Variants in CERS3 observed in about 807,000 individuals in gnomAD.
CERS3 encodes the protein ceramide synthase 3, also known as LAG1 homolog, ceramide synthase 3.
Under a neutral mutation model 50.3 loss-of-function variants are expected in CERS3, and 33 were observed. The ratio of observed to expected loss-of-function variants is 0.66; its 90% CI spans 0.50 to 0.88. The LOEUF is 0.88. CERS3 is among the 40% of genes least tolerant of loss of function. The pLI, the probability that CERS3 is intolerant of heterozygous loss-of-function variation, is 0.00. For synonymous variants in CERS3, 176 were observed against 155.2 expected (o/e 1.13, Z -0.99); for missense variants, 470 against 460.3 (o/e 1.02, Z -0.19).
intron 11 of CERS3, among the ~76,000 whole-genome samples, chr15:100,444,853 T>C (rs1032964640): frequency 2.0e-5 from 3 of 152,172 alleles, no homozygotes; most frequent in Non-Finnish European, 4.4e-5. Flanking sequence ...TTTCTTCCCT[T>C]CTGTCAGACA....
intron 11 of CERS3, among the ~76,000 whole-genome samples, chr15:100,407,296 A>G (rs1567587456): frequency 6.6e-6 from 1 of 152,162 alleles, no homozygotes; most frequent in Non-Finnish European, 1.5e-5. Flanking sequence ...TCCCAACCAC[A>G]CACCCTCCAG....
intron 2 of CERS3, among the ~76,000 whole-genome samples, chr15:100,518,772 T>A (rs1477714219): frequency 6.6e-6 from 1 of 152,254 alleles, no homozygotes; most frequent in African/African-American, 2.4e-5. Context: ...AATGTGATCT[T>A]CTGATTCTGC....
At chr15:100,403,166 G>A (rs1352141665) in intron 11 of CERS3, among the ~76,000 whole-genome samples, 1 of 152,008 alleles carries the variant, frequency 6.6e-6, no homozygotes, top group African/African-American at 2.4e-5. Flanking sequence ...AACAATCGCT[G>A]GGTCAAAGGG....
intron 2 of CERS3, among the ~76,000 whole-genome samples, chr15:100,502,324 A>C (rs1205772603): frequency 6.6e-6 from 1 of 151,712 alleles, no homozygotes; most frequent in Non-Finnish European, 1.5e-5. Context: ...TATTTAATGG[A>C]TTATATGATC....
At chr15:100,490,179 T>G (rs2142296492) in intron 4 of CERS3, among the ~76,000 whole-genome samples, 1 of 152,308 alleles carries the variant, frequency 6.6e-6, no homozygotes, top group African/African-American at 2.4e-5. Flanking sequence ...TTAGACATTA[T>G]TTTTTTAACT....
At chr15:100,498,371 AAT>A (rs1291433705) in intron 3 of CERS3, among the ~76,000 whole-genome samples, 1 of 152,226 alleles carries the variant, frequency 6.6e-6, no homozygotes, top group Non-Finnish European at 1.5e-5. Flanking sequence ...AAGCACAATA[AAT>A]AGTTGATAAA....
At chr15:100,477,527 G>A (rs186939533) in intron 7 of CERS3, among the ~76,000 whole-genome samples, 1 of 152,216 alleles carries the variant, frequency 6.6e-6, no homozygotes, top group African/African-American at 2.4e-5. Flanking sequence ...AGAACCTGTG[G>A]AGTCAAGATC....
At chr15:100,406,570 G>A (rs2031043138) in intron 11 of CERS3, among the ~76,000 whole-genome samples, 1 of 152,108 alleles carries the variant, frequency 6.6e-6, no homozygotes, top group Non-Finnish European at 1.5e-5. Context: ...AAATGAACAA[G>A]CCTCCTTGTA....
At chr15:100,523,131 G>A (rs1338276680) in intron 1 of CERS3, among the ~76,000 whole-genome samples, 1 of 152,190 alleles carries the variant, frequency 6.6e-6, no homozygotes, top group Non-Finnish European at 1.5e-5. Context: ...GTTTTTCTGT[G>A]AAGTACCTGT....
intron 3 of CERS3, among the ~76,000 whole-genome samples, chr15:100,497,761 C>A (rs2035864677): frequency 6.6e-6 from 1 of 151,254 alleles, no homozygotes; most frequent in Admixed American, 6.6e-5. Flanking sequence ...CTGTTAAAAT[C>A]ATTAATTTAA....
At chr15:100,451,337 T>C (rs1211595311) in intron 11 of CERS3, among the ~76,000 whole-genome samples, 2 of 152,194 alleles carry the variant, frequency 1.3e-5, no homozygotes, top group Non-Finnish European at 2.9e-5. Flanking sequence ...TTAAAAGATA[T>C]AGACTAGCTG....
At chr15:100,441,231 C>G (rs973468898) in intron 11 of CERS3, among the ~76,000 whole-genome samples, 1 of 151,976 alleles carries the variant, frequency 6.6e-6, no homozygotes, top group Non-Finnish European at 1.5e-5. Flanking sequence ...ACCCCAACCT[C>G]TTATCTCTGT....
chr15:100,418,805 C>A (rs965868678), intron 11 of CERS3, among the ~76,000 whole-genome samples: 14 of 146,264 alleles, frequency 9.6e-5, no homozygotes, highest in Non-Finnish European at 2.0e-4. Flanking sequence ...GAATTTTCAA[C>A]CCAGAATTTC....
At chr15:100,405,914 T>C (rs527326636) in intron 11 of CERS3, among the ~76,000 whole-genome samples, 2 of 152,406 alleles carry the variant, frequency 1.3e-5, no homozygotes, top group Middle Eastern at 3.4e-3. Flanking sequence ...AAAGTACTAC[T>C]CATGTGGGCA....
intron 5 of CERS3, among the ~76,000 whole-genome samples, chr15:100,481,401 A>C (rs552855683): frequency 4.2e-4 from 64 of 152,364 alleles, no homozygotes; most frequent in Non-Finnish European, 7.3e-4. Context: ...TGAAAGTTGA[A>C]ACTTTACTGC....
intron 11 of CERS3, among the ~76,000 whole-genome samples, chr15:100,405,233 T>TAAAA (rs752244347): frequency 8.6e-5 from 3 of 34,940 alleles, no homozygotes; most frequent in African/African-American, 1.4e-4. Flanking sequence ...AACTCAATGG[T>TAAAA]AAAAAAAAAA....
At chr15:100,488,206 C>T (rs2035544210) in intron 4 of CERS3, among the ~76,000 whole-genome samples, 1 of 152,152 alleles carries the variant, frequency 6.6e-6, no homozygotes, top group Admixed American at 6.5e-5. Flanking sequence ...ATGTTATGCC[C>T]TTCTGTGCTA....
At chr15:100,530,358 G>A (rs2036907806), upstream of CERS3, among the ~76,000 whole-genome samples, 1 of 152,128 alleles carries the variant, frequency 6.6e-6, no homozygotes, top group Admixed American at 6.5e-5. Context: ...TGGCCTGCTC[G>A]CAACCTGCTG....
At chr15:100,483,811 T>C (rs1399937529) in intron 5 of CERS3, among the ~76,000 whole-genome samples, 3 of 100,074 alleles carry the variant, frequency 3.0e-5, no homozygotes, top group East Asian at 3.1e-4. Flanking sequence ...GACAGAGTCT[T>C]GCTCTGTCAC....
Sources: gnomAD v4.1 joint callset for allele counts (sites outside exome capture counted in the v4.1 genomes callset) on GRCh38, gnomAD v4.1.1 for gene constraint, MANE v1.5 for transcripts, NCBI Gene and HGNC (gene_info 2026-07-23, HGNC 2026-07-21) for gene names.